IFNG-AS1: variants seen among roughly 807,000 people sequenced by gnomAD.
IFNG-AS1 encodes the protein IFNG regulatory antisense RNA 1, also known as IFNG antisense RNA 1 (non-protein coding).
Position 68,009,680 on chromosome 12 carries a change from G to A in IFNG-AS1, n.241+3534G>A, listed in dbSNP as rs551697520. Among the ~76,000 whole-genome samples, 53 of 152,194 alleles carry A rather than the reference G, an allele frequency of 3.5e-4. No individual in the cohort carries two copies. The Middle Eastern group carries it at 0.01, about 29-fold the overall frequency. On this transcript the variant is annotated intron_variant and non_coding_transcript_variant, in intron 3 of 5. Transcript: ENST00000536914. ...AAGGTAGAATTTTAACACACCAGAA[G>A]TTGGTTTCTTGCTCTCATAAAAGTT... is the stretch of plus-strand genomic sequence containing the variant.
intron 1 of IFNG-AS1, among the ~76,000 whole-genome samples, chr12:67,990,225 T>A (rs934192641): frequency 6.6e-6 from 1 of 152,266 alleles, no homozygotes; most frequent in African/African-American, 2.4e-5. Context: ...CAAATTAAGT[T>A]AAATCACGTA....
In IFNG-AS1 at chr12:68,003,424, C is replaced by CTTTTTTTTTTTT. The variant is rs530422946; in HGVS notation, n.185-2666_185-2665insTTTTTTTTTTTT. The stretch of plus-strand genomic sequence containing the variant: ...TTCATAGAAGCTAATCATATTCCCC[C>CTTTTTTTTTTTT]CTTTTTTTTTTTTTTTGCATTGAGC... On this transcript the variant is annotated intron_variant and non_coding_transcript_variant, in intron 2 of 5. Coordinates refer to ENST00000536914, the Ensembl canonical transcript of IFNG-AS1. Among the ~76,000 whole-genome samples, 2 of 136,508 alleles carry CTTTTTTTTTTTT rather than the reference C, an allele frequency of 1.5e-5. 1 individual carries two copies. Among genetic ancestry groups the CTTTTTTTTTTTT allele is most frequent in the Non-Finnish European group, 3.1e-5 (2 of 65,340 alleles). The allele number at this position is 136,508 out of a possible 152,430, so 89.6% of individuals were successfully genotyped here. A position where few individuals can be genotyped will look rare whatever the true frequency, so the allele number is the denominator to read the frequency against.
intron 1 of IFNG-AS1, among the ~76,000 whole-genome samples, chr12:67,991,084 C>T (rs566220521): frequency 4.6e-5 from 7 of 152,132 alleles, no homozygotes; most frequent in Non-Finnish European, 8.8e-5. Context: ...ACACATATCA[C>T]AGTAAAATGA....
intron 2 of IFNG-AS1, among the ~76,000 whole-genome samples, chr12:68,003,280 C>A (rs1332740195): frequency 1.3e-5 from 2 of 152,150 alleles, no homozygotes; most frequent in South Asian, 2.1e-4. Flanking sequence ...TGAAAACCAT[C>A]TTTTGAATCT....
intron 2 of IFNG-AS1, among the ~76,000 whole-genome samples, chr12:68,001,883 C>G (rs1162868337): frequency 1.3e-5 from 2 of 152,064 alleles, no homozygotes. Flanking sequence ...TCACAGCATG[C>G]ACTGAGGGCC....
exon 3 of IFNG-AS1, chr12:68,006,138 G>A (rs1879900764): frequency 6.6e-6 from 1 of 152,184 alleles, no homozygotes; most frequent in South Asian, 2.1e-4. Context: ...AGACAACATG[G>A]TACATGTGGT....
At chr12:68,013,919 T>C (rs1654008936) in intron 3 of IFNG-AS1, among the ~76,000 whole-genome samples, 1 of 152,182 alleles carries the variant, frequency 6.6e-6, no homozygotes. Context: ...ACCCTATTTG[T>C]AGTCTTTTAC....
intron 3 of IFNG-AS1, among the ~76,000 whole-genome samples, chr12:68,007,108 G>C (rs867901675): frequency 3.9e-5 from 6 of 152,146 alleles, no homozygotes; most frequent in Admixed American, 6.5e-5. Context: ...AGACTACATG[G>C]GTTCATGTCC....
At chr12:68,018,531 T>A (rs1880207677) in intron 3 of IFNG-AS1, among the ~76,000 whole-genome samples, 1 of 152,072 alleles carries the variant, frequency 6.6e-6, no homozygotes. Flanking sequence ...ATAACACCTT[T>A]CTTATCTGTC....
chr12:68,015,041 A>G (rs1880115216), intron 3 of IFNG-AS1, among the ~76,000 whole-genome samples: 1 of 152,160 alleles, frequency 6.6e-6, no homozygotes, highest in South Asian at 2.1e-4. Context: ...AACAAACACA[A>G]TTTTTGAGAA....
chr12:68,019,751 T>C (rs1451477661), intron 3 of IFNG-AS1: 1 of 152,128 alleles, frequency 6.6e-6, no homozygotes, highest in Admixed American at 6.6e-5. Context: ...ACTGAACAAA[T>C]TGGGGTTTTG....
intron 2 of IFNG-AS1, among the ~76,000 whole-genome samples, chr12:68,003,858 G>A (rs1879842049): frequency 6.7e-6 from 1 of 149,682 alleles, no homozygotes; most frequent in South Asian, 2.1e-4. Context: ...AGTGAACCGA[G>A]ATCGCCCCAC....
intron 2 of IFNG-AS1, among the ~76,000 whole-genome samples, chr12:68,005,281 A>G (rs539777939): frequency 2.6e-5 from 4 of 152,348 alleles, no homozygotes; most frequent in African/African-American, 9.6e-5. Context: ...CTCCAGATGC[A>G]TTTATTCCTT....
At chr12:68,011,999 T>A (rs1002856930) in intron 3 of IFNG-AS1, among the ~76,000 whole-genome samples, 3 of 152,138 alleles carry the variant, frequency 2.0e-5, no homozygotes, top group African/African-American at 7.2e-5. Context: ...GGGGAAGGTT[T>A]GATGTTTTTT....
chr12:67,989,610 G>C (rs1199531446), intron 1 of IFNG-AS1: 1 of 152,176 alleles, frequency 6.6e-6, no homozygotes, highest in Non-Finnish European at 1.5e-5. Flanking sequence ...AATGCTGTTT[G>C]TAAATTACAT....
chr12:67,992,843 A>G (rs1012591662), intron 1 of IFNG-AS1, among the ~76,000 whole-genome samples: 2 of 152,268 alleles, frequency 1.3e-5, no homozygotes, highest in Admixed American at 1.3e-4. Context: ...AAGTAGAGAT[A>G]ATATCACTGT....
chr12:68,013,548 A>G (rs1471810428), intron 3 of IFNG-AS1: 1 of 152,218 alleles, frequency 6.6e-6, no homozygotes, highest in African/African-American at 2.4e-5. Flanking sequence ...TGTGAAAAAC[A>G]CTAAGTGGGA....
chr12:68,018,553 C>T (rs1195093337), intron 3 of IFNG-AS1, among the ~76,000 whole-genome samples: 1 of 152,060 alleles, frequency 6.6e-6, no homozygotes, highest in East Asian at 1.9e-4. Flanking sequence ...CTCACCTCTG[C>T]TTTGCTCTTC....
At chr12:68,010,860 T>C (rs927799930) in intron 3 of IFNG-AS1, among the ~76,000 whole-genome samples, 3 of 152,244 alleles carry the variant, frequency 2.0e-5, no homozygotes, top group Admixed American at 2.0e-4. Context: ...GCATTTCAGC[T>C]TCCTTTTACT....
Sources: allele counts gnomAD v4.1 joint callset (sites outside exome capture counted in the v4.1 genomes callset), GRCh38; gene constraint gnomAD v4.1.1; transcripts MANE v1.5; gene names NCBI Gene and HGNC (gene_info 2026-07-23, HGNC 2026-07-21).